The following TPRG1 variants were observed in gnomAD, a reference collection of about 807,000 sequenced individuals.
TPRG1 encodes the protein tumor protein p63-regulated gene 1 protein.
TPRG1 carries 29 observed loss-of-function variants against 29.3 expected under a neutral mutation model. The observed-to-expected ratio is 0.99, with a 90% CI of 0.74 to 1.35. The LOEUF (loss-of-function observed/expected upper bound fraction) is 1.35, where lower values mean the gene tolerates loss of function less well. Among genes scored for constraint, TPRG1 ranks in the 40% most tolerant of loss-of-function variants. TPRG1 has a pLI of 0.00. For missense variants in TPRG1, 327 were observed against 335.0 expected (o/e 0.98, Z 0.19); for synonymous variants, 130 against 116.8 (o/e 1.11, Z -0.73).
At position 189,086,761 on chromosome 3, in the gene TPRG1, G is replaced by GT. The variant is rs543179594; in HGVS notation, c.-462-40289dup. Among the ~76,000 whole-genome samples the GT allele has an allele frequency of 7.2e-5, 11 of 152,178 alleles. No individual in the cohort carries two copies. In the Middle Eastern group the frequency reaches 0.01, roughly 141 times the overall value. On this transcript the variant is annotated intron_variant, in intron 4 of 10. Coordinates refer to the TPRG1 transcript ENST00000433971. ...TCAGGCTGGTCGAACTCCTGGAGGA[G>GT]TTTTTTTGTTCTTGCAATAGTTTGC...
intron 1 of TPRG1, among the ~76,000 whole-genome samples, chr3:189,188,776 ACTGT>A (rs1236547639): frequency 2.0e-5 from 3 of 152,196 alleles, no homozygotes; most frequent in African/African-American, 4.8e-5. Context: ...CCCAAGAGAC[ACTGT>A]CTGTCTCCAT....
At chr3:189,061,690 A>G (rs1056888700) in intron 4 of TPRG1, among the ~76,000 whole-genome samples, 2 of 151,930 alleles carry the variant, frequency 1.3e-5, no homozygotes, top group Non-Finnish European at 2.9e-5. Flanking sequence ...TTTAAAAAGC[A>G]CAATATTACT....
chr3:189,099,708 C>T (rs1718963104), upstream of TPRG1, among the ~76,000 whole-genome samples: 1 of 152,092 alleles, frequency 6.6e-6, no homozygotes, highest in Non-Finnish European at 1.5e-5. Context: ...ATGGAAAGGA[C>T]GTCAACCATG....
chr3:189,245,337 C>T (rs1233517027), intron 4 of TPRG1, among the ~76,000 whole-genome samples: 4 of 152,138 alleles, frequency 2.6e-5, no homozygotes, highest in African/African-American at 9.7e-5. Context: ...CTAATATGAA[C>T]ATCTACAGTT....
Position 189,164,863 on chromosome 3 carries a change from G to T in TPRG1, c.-10+13991G>T, listed in dbSNP as rs533087337. Reference sequence around the variant, plus strand: ...CCCATGTCCCCCTGGGGTCCCAAACGTGCTTTAAGAAAACTCTGAGGAGCT... The same window carrying T: ...CCCATGTCCCCCTGGGGTCCCAAACTTGCTTTAAGAAAACTCTGAGGAGCT... On this transcript the variant is annotated intron_variant, in intron 5 of 6. Coordinates refer to the TPRG1 transcript ENST00000412373. 7.9e-5 allele frequency among the ~76,000 whole-genome samples: 12 copies of T among 152,288 alleles called. No individual in the cohort carries two copies. The East Asian group carries it at 1.2e-3, about 15-fold the overall frequency.
intron 1 of TPRG1, among the ~76,000 whole-genome samples, chr3:189,202,989 G>A (rs932671326): frequency 5.9e-5 from 9 of 152,334 alleles, no homozygotes; most frequent in Middle Eastern, 3.4e-3. Context: ...AAAACTAGAG[G>A]TCGGGTTGCA....
intron 1 of TPRG1, among the ~76,000 whole-genome samples, chr3:189,117,924 G>C (rs1259114570): frequency 6.6e-6 from 1 of 152,174 alleles, no homozygotes; most frequent in Non-Finnish European, 1.5e-5. Flanking sequence ...TGGCTAGTGG[G>C]GTGCTGCTGT....
intron 5 of TPRG1, among the ~76,000 whole-genome samples, chr3:189,311,473 ATATGTATGTGTGTGAAAATATTT>A (rs762645018): frequency 1.3e-5 from 2 of 152,226 alleles, no homozygotes; most frequent in African/African-American, 2.4e-5. Flanking sequence ...GTGTAAATAT[ATATGTATGTGTGTGAAAATATTT>A]TAACTTGATA....
At chr3:189,235,360 A>C (rs1295886596) in intron 3 of TPRG1, among the ~76,000 whole-genome samples, 1 of 151,978 alleles carries the variant, frequency 6.6e-6, no homozygotes, top group Non-Finnish European at 1.5e-5. Flanking sequence ...TCATCTAGGC[A>C]GCAGATGATG....
chr3:189,155,320 A>G (rs1347644665), intron 5 of TPRG1, among the ~76,000 whole-genome samples: 1 of 152,220 alleles, frequency 6.6e-6, no homozygotes, highest in African/African-American at 2.4e-5. Context: ...GTCTGGGATT[A>G]GGGTGGCAGC....
upstream of TPRG1, among the ~76,000 whole-genome samples, chr3:189,168,263 C>G (rs535127187): frequency 9.2e-5 from 14 of 152,106 alleles, no homozygotes; most frequent in Non-Finnish European, 1.6e-4. Context: ...TTCCAACCAG[C>G]CTTGAGCTCA....
intron 1 of TPRG1, among the ~76,000 whole-genome samples, chr3:189,123,351 C>T (rs1424960103): frequency 1.3e-5 from 2 of 152,082 alleles, no homozygotes; most frequent in African/African-American, 4.8e-5. Context: ...AATATTGGTG[C>T]AAGAAATATA....
rs58210295 is a variant in TPRG1, at chr3:189,145,359, T to TAAA, written c.-290-2213_-290-2211dup. Among the ~76,000 whole-genome samples, 8 of 107,398 alleles carry TAAA rather than the reference T, an allele frequency of 7.4e-5. 1 individual carries two copies. In the South Asian group the frequency reaches 3.0e-3, roughly 41 times the overall value. 70.5% of individuals were successfully genotyped at this position (107,398 alleles called of 152,430 possible). ...CCTGGCAACAGAGGGAGACTCCATCTAAAAAAAAAAAAAACATGCCAAACT... is the reference window on the plus strand; with the variant it reads ...CCTGGCAACAGAGGGAGACTCCATCTAAAAAAAAAAAAAAAAACATGCCAAACT... On this transcript the variant is annotated intron_variant, in intron 3 of 6. Coordinates refer to the TPRG1 transcript ENST00000412373.
intron 1 of TPRG1, among the ~76,000 whole-genome samples, chr3:189,200,964 C>T (rs1302178858): frequency 6.6e-6 from 1 of 152,172 alleles, no homozygotes; most frequent in Non-Finnish European, 1.5e-5. Flanking sequence ...TATAAAAAAT[C>T]TGGAGGAAAC....
chr3:189,233,942 C>T (rs1739061157), intron 3 of TPRG1, among the ~76,000 whole-genome samples: 2 of 152,168 alleles, frequency 1.3e-5, no homozygotes, highest in Non-Finnish European at 2.9e-5. Context: ...GCTACAATAG[C>T]TCACTGCAAC....
At chr3:189,056,783 G>A (rs1015691644) in intron 4 of TPRG1, among the ~76,000 whole-genome samples, 2 of 152,170 alleles carry the variant, frequency 1.3e-5, no homozygotes, top group African/African-American at 4.8e-5. Context: ...CTGCAGCAGG[G>A]TGGGGTTTTC....
intron 4 of TPRG1, among the ~76,000 whole-genome samples, chr3:189,246,734 C>T (rs1360832943): frequency 6.6e-6 from 1 of 151,964 alleles, no homozygotes; most frequent in East Asian, 1.9e-4. Context: ...AGTCTTAATT[C>T]TTGAGGAATA....
At chr3:189,095,314 C>T (rs1718604267), upstream of TPRG1, among the ~76,000 whole-genome samples, 1 of 152,020 alleles carries the variant, frequency 6.6e-6, no homozygotes, top group South Asian at 2.1e-4. Flanking sequence ...AGTCATAGAC[C>T]AGAGCATAGA....
At chr3:189,222,291 T>A (rs1044350886) in intron 3 of TPRG1, among the ~76,000 whole-genome samples, 1 of 152,076 alleles carries the variant, frequency 6.6e-6, no homozygotes, top group East Asian at 1.9e-4. Flanking sequence ...ACTGCTAAAC[T>A]AATCATATAA....
Sources: gnomAD v4.1 joint callset for allele counts (sites outside exome capture counted in the v4.1 genomes callset) on GRCh38, gnomAD v4.1.1 for gene constraint, MANE v1.5 for transcripts, NCBI Gene and HGNC (gene_info 2026-07-23, HGNC 2026-07-21) for gene names.